Variants in ALCAM observed in about 807,000 individuals in gnomAD.
ALCAM encodes the protein activated leukocyte cell adhesion molecule.
In ALCAM, 30 loss-of-function variants were observed where a neutral mutation model predicts 70.9. The ratio of observed to expected loss-of-function variants is 0.42; its 90% CI spans 0.32 to 0.57. ALCAM has a LOEUF of 0.57. Ranked by LOEUF, ALCAM falls within the 20% of genes least tolerant of loss-of-function variation. The pLI is 0.11. For synonymous variants in ALCAM, 249 were observed against 242.5 expected, an observed-to-expected ratio of 1.03 and a Z score of -0.25; for missense variants, 591 against 695.1, an observed-to-expected ratio of 0.85 and a Z score of 1.68.
At chr3:105,397,324 TACAC>T (rs1935980412) in intron 1 of ALCAM, among the ~76,000 whole-genome samples, 1 of 152,076 alleles carries the variant, frequency 6.6e-6, no homozygotes, top group South Asian at 2.1e-4. Context: ...CTGCAAGTTG[TACAC>T]ATGTATATAT....
At chr3:105,368,223 A>AAGAGAGAGAGAGAGACAG (rs1935123358) in intron 1 of ALCAM, among the ~76,000 whole-genome samples, 1 of 67,790 alleles carries the variant, frequency 1.5e-5, no homozygotes, top group South Asian at 7.3e-4. Context: ...TGAGTCTTGG[A>AAGAGAGAGAGAGAGACAG]AGAGAGAGAG....
At chr3:105,442,360 A>G (rs1012459971) in intron 1 of ALCAM, among the ~76,000 whole-genome samples, 10 of 152,200 alleles carry the variant, frequency 6.6e-5, no homozygotes, top group African/African-American at 1.4e-4. Flanking sequence ...ATTTTTATAC[A>G]TATTTATTTT....
chr3:105,479,368 T>C (rs1938208944), intron 1 of ALCAM, among the ~76,000 whole-genome samples: 1 of 152,132 alleles, frequency 6.6e-6, no homozygotes, highest in Admixed American at 6.6e-5. Flanking sequence ...GTCAGCATGG[T>C]GAATGGAGAT....
intron 14 of ALCAM, among the ~76,000 whole-genome samples, chr3:105,555,055 T>TTG (rs1940488744): frequency 6.6e-6 from 1 of 151,812 alleles, no homozygotes; most frequent in African/African-American, 2.4e-5. Flanking sequence ...TAAAATAAAT[T>TTG]TGTGTGTGTG....
intron 1 of ALCAM, among the ~76,000 whole-genome samples, chr3:105,369,397 C>G (rs1393076655): frequency 6.6e-6 from 1 of 152,202 alleles, no homozygotes; most frequent in Non-Finnish European, 1.5e-5. Context: ...GCGGCTAGCC[C>G]CGGCTCACCG....
chr3:105,526,724 T>C (rs1939714918), intron 3 of ALCAM, among the ~76,000 whole-genome samples: 1 of 152,214 alleles, frequency 6.6e-6, no homozygotes, highest in Non-Finnish European at 1.5e-5. Flanking sequence ...TGTTTTGTTT[T>C]GTTTTCAATG....
intron 1 of ALCAM, among the ~76,000 whole-genome samples, chr3:105,430,551 C>T (rs1936904231): frequency 6.6e-6 from 1 of 152,100 alleles, no homozygotes; most frequent in Non-Finnish European, 1.5e-5. Flanking sequence ...GCATTCTCAT[C>T]ACATTAAATC....
intron 1 of ALCAM, among the ~76,000 whole-genome samples, chr3:105,454,362 C>T (rs982251028): frequency 6.6e-6 from 1 of 152,138 alleles, no homozygotes; most frequent in Non-Finnish European, 1.5e-5. Flanking sequence ...GCATGAAGTA[C>T]TAGGAAGTAC....
intron 1 of ALCAM, among the ~76,000 whole-genome samples, chr3:105,432,486 T>C (rs1209770205): frequency 6.8e-6 from 1 of 147,516 alleles, no homozygotes; most frequent in Admixed American, 6.8e-5. Flanking sequence ...CTTCAGATCC[T>C]CCAGGAAGCT....
rs1300835767 is a variant in ALCAM, at chr3:105,520,103, A to G, written c.110A>G (p.Asp37Gly). Residue 37 changes from aspartate to glycine, a missense_variant, in exon 2 of 16, where the codon GAT (aspartate) becomes GGT (glycine). Physicochemically the swap from Asp to Gly is moderately conservative, Grantham distance 94. Transcript: ENST00000306107. ...GWYTVNSAYG[D>G]TIIIPCRLDV... is the part of the protein sequence containing the mutation. ...TATACTGTAAATTCAGCATATGGAG[A>G]TACCATTATCATACCTTGCCGACTT... 6.2e-7 allele frequency: 1 copy of G among 1,612,502 alleles called. No homozygotes were observed. Among genetic ancestry groups the G allele is most frequent in the East Asian group, 2.2e-5 (1 of 44,790 alleles).
intron 1 of ALCAM, among the ~76,000 whole-genome samples, chr3:105,458,082 G>A (rs1431087899): frequency 1.2e-4 from 18 of 146,950 alleles, no homozygotes; most frequent in Admixed American, 2.0e-4. Flanking sequence ...CACTTCAGGG[G>A]AAAAAAAAAA....
chr3:105,526,286 T>TAA (rs71700885), intron 3 of ALCAM, among the ~76,000 whole-genome samples: 4 of 134,964 alleles, frequency 3.0e-5, no homozygotes, highest in Non-Finnish European at 4.9e-5. Context: ...AAACATTTTG[T>TAA]AAAAAAAAAA....
chr3:105,392,951 T>C (rs1935860888), intron 1 of ALCAM, among the ~76,000 whole-genome samples: 1 of 151,946 alleles, frequency 6.6e-6, no homozygotes, highest in South Asian at 2.1e-4. Context: ...GTAACAACAG[T>C]ATTACTACCA....
intron 1 of ALCAM, among the ~76,000 whole-genome samples, chr3:105,468,209 G>A (rs1218942161): frequency 2.0e-5 from 3 of 151,428 alleles, no homozygotes; most frequent in South Asian, 2.1e-4. Flanking sequence ...TGGCTTTGCC[G>A]TTCTCTTTCT....
At chr3:105,539,058 GC>G (rs1189164894) in intron 6 of ALCAM, among the ~76,000 whole-genome samples, 1 of 152,004 alleles carries the variant, frequency 6.6e-6, no homozygotes, top group African/African-American at 2.4e-5. Flanking sequence ...AATTTTTAGT[GC>G]CACCAGTTTG....
chr3:105,408,133 G>T (rs1187763081), intron 1 of ALCAM, among the ~76,000 whole-genome samples: 1 of 151,730 alleles, frequency 6.6e-6, no homozygotes, highest in Non-Finnish European at 1.5e-5. Context: ...TGACCATACT[G>T]CCAAAAGCAA....
At chr3:105,384,593 C>T (rs538736428) in intron 1 of ALCAM, among the ~76,000 whole-genome samples, 3 of 151,540 alleles carry the variant, frequency 2.0e-5, no homozygotes, top group African/African-American at 7.2e-5. Flanking sequence ...AATTCTTGCC[C>T]AGAAATTCTA....
At chr3:105,511,274 C>T (rs1025003028) in intron 1 of ALCAM, among the ~76,000 whole-genome samples, 4 of 152,066 alleles carry the variant, frequency 2.6e-5, no homozygotes, top group African/African-American at 4.8e-5. Flanking sequence ...TGAGGTGACA[C>T]ACCATCTCTT....
intron 1 of ALCAM, among the ~76,000 whole-genome samples, chr3:105,385,924 C>T (rs1576125149): frequency 6.6e-6 from 1 of 151,540 alleles, no homozygotes; most frequent in South Asian, 2.1e-4. Context: ...GTGGTGGGTG[C>T]TGAAGACTTG....
Sources: allele counts gnomAD v4.1 joint callset (sites outside exome capture counted in the v4.1 genomes callset), GRCh38; gene constraint gnomAD v4.1.1; transcripts MANE v1.5; gene names NCBI Gene and HGNC (gene_info 2026-07-23, HGNC 2026-07-21).